Variants in ST6GALNAC5 observed in about 807,000 individuals in gnomAD.
ST6GALNAC5 encodes ST6 N-acetylgalactosaminide alpha-2,6-sialyltransferase 5.
In ST6GALNAC5, 27 loss-of-function variants were observed where a neutral mutation model predicts 33.6. The ratio of observed to expected loss-of-function variants is 0.80; its 90% confidence interval spans 0.59 to 1.11. The LOEUF (loss-of-function observed/expected upper bound fraction) is 1.11. Among genes scored for constraint, ST6GALNAC5 ranks in the 50% least tolerant of loss-of-function variants. The pLI is 0.00. For synonymous variants in ST6GALNAC5, 194 were observed against 171.2 expected (o/e 1.13, Z -1.04); for missense variants, 428 against 454.0 (o/e 0.94, Z 0.52).
chr1:77,023,657 C>T (rs1651132411), intron 2 of ST6GALNAC5, among the ~76,000 whole-genome samples: 1 of 152,178 alleles, frequency 6.6e-6, no homozygotes, highest in African/African-American at 2.4e-5. Context: ...GGAGCCTTCA[C>T]AGTTAGATTG....
intron 2 of ST6GALNAC5, among the ~76,000 whole-genome samples, chr1:76,922,521 A>G (rs1304127379): frequency 6.6e-6 from 1 of 152,202 alleles, no homozygotes. Context: ...ATGGAAAGGC[A>G]TAGGCCCAAG....
At chr1:76,959,474 A>T (rs858600) in intron 2 of ST6GALNAC5, among the ~76,000 whole-genome samples, 1 of 152,040 alleles carries the variant, frequency 6.6e-6, no homozygotes, top group South Asian at 2.1e-4. Flanking sequence ...ACAATAGAAC[A>T]TAAGGAAACA....
In ST6GALNAC5 at chr1:76,942,140, A is replaced by G. The variant is rs550652697; in HGVS notation, c.261+73398A>G. Among the ~76,000 whole-genome samples, 6 of 152,182 alleles carry G rather than the reference A, an allele frequency of 3.9e-5. No individual in the cohort carries two copies. In the South Asian group the frequency reaches 1.2e-3, roughly 32 times the overall value. ...ATTGTTTGTTTGCTTGTTTTCACACACTTGCTTCCATTTATTCCCTCTTCT... is the reference window on the plus strand; with the variant it reads ...ATTGTTTGTTTGCTTGTTTTCACACGCTTGCTTCCATTTATTCCCTCTTCT... On this transcript the variant is annotated intron_variant, in intron 2 of 4. Coordinates refer to ENST00000477717, the MANE Select transcript of ST6GALNAC5 (RefSeq NM_030965.3).
chr1:77,026,419 G>T (rs1227913762), intron 2 of ST6GALNAC5, among the ~76,000 whole-genome samples: 1 of 152,158 alleles, frequency 6.6e-6, no homozygotes, highest in African/African-American at 2.4e-5. Flanking sequence ...CATCCTGGCT[G>T]GTCAGTCTTT....
At chr1:76,927,061 G>A (rs190470767) in intron 2 of ST6GALNAC5, among the ~76,000 whole-genome samples, 1 of 151,958 alleles carries the variant, frequency 6.6e-6, no homozygotes, top group African/African-American at 2.4e-5. Flanking sequence ...TACACTTCAT[G>A]TCTGTCAGGT....
At chr1:76,990,324 C>T (rs1399511160) in intron 2 of ST6GALNAC5, among the ~76,000 whole-genome samples, 3 of 152,146 alleles carry the variant, frequency 2.0e-5, no homozygotes, top group African/African-American at 7.2e-5. Flanking sequence ...AGGCATTGCT[C>T]ATTGTATGGC....
intron 4 of ST6GALNAC5, among the ~76,000 whole-genome samples, chr1:77,053,775 G>C (rs563190335): frequency 9.1e-4 from 138 of 152,270 alleles, no homozygotes; most frequent in African/African-American, 1.7e-3. Context: ...TGGGGTGAAA[G>C]GATTCACTGA....
At chr1:77,059,426 G>T (rs1484934383) in intron 4 of ST6GALNAC5, among the ~76,000 whole-genome samples, 1 of 152,070 alleles carries the variant, frequency 6.6e-6, no homozygotes, top group Non-Finnish European at 1.5e-5. Flanking sequence ...TCCTTCACTT[G>T]GGGTTTATCT....
chr1:77,043,521 T>C (rs1651901571), intron 2 of ST6GALNAC5, among the ~76,000 whole-genome samples: 1 of 152,334 alleles, frequency 6.6e-6, no homozygotes. Context: ...ATGGGACAAC[T>C]CAGTTTCTCT....
chr1:77,020,918 G>A (rs199681), intron 2 of ST6GALNAC5, among the ~76,000 whole-genome samples: 1 of 151,932 alleles, frequency 6.6e-6, no homozygotes. Context: ...ATGTCCTCTT[G>A]TTGTTACCCG....
At chr1:77,050,398 C>T (rs746790062) in intron 4 of ST6GALNAC5, 33 bp downstream of exon 4, 1 of 1,581,620 alleles carries the variant, frequency 6.3e-7, no homozygotes. Flanking sequence ...AAATCATCAG[C>T]CGTGTTGTGC....
At chr1:76,898,311 G>A (rs1479667210) in intron 2 of ST6GALNAC5, among the ~76,000 whole-genome samples, 1 of 152,206 alleles carries the variant, frequency 6.6e-6, no homozygotes, top group Non-Finnish European at 1.5e-5. Flanking sequence ...TTGTGTGCTG[G>A]AGATGTGGCT....
intron 2 of ST6GALNAC5, among the ~76,000 whole-genome samples, chr1:76,896,161 G>T (rs1229237820): frequency 6.6e-6 from 1 of 152,198 alleles, no homozygotes; most frequent in Non-Finnish European, 1.5e-5. Flanking sequence ...GAGGAATTGT[G>T]TCTGACAGAA....
At chr1:76,895,407 T>A (rs1433970590) in intron 2 of ST6GALNAC5, among the ~76,000 whole-genome samples, 3 of 151,966 alleles carry the variant, frequency 2.0e-5, no homozygotes, top group Admixed American at 6.6e-5. Flanking sequence ...GATTTTGTGG[T>A]AAGGGGTGAT....
intron 2 of ST6GALNAC5, among the ~76,000 whole-genome samples, chr1:76,918,042 G>A (rs1646992926): frequency 6.6e-6 from 1 of 152,130 alleles, no homozygotes; most frequent in African/African-American, 2.4e-5. Context: ...TTGACCAAAT[G>A]TCTGGGCACT....
At chr1:76,974,119 A>G (rs1419703972) in intron 2 of ST6GALNAC5, among the ~76,000 whole-genome samples, 2 of 151,962 alleles carry the variant, frequency 1.3e-5, no homozygotes, top group South Asian at 2.1e-4. Flanking sequence ...AAAATTACAA[A>G]TTAGTGAAGA....
chr1:77,001,424 C>G lies in ST6GALNAC5; in HGVS notation c.262-42780C>G, dbSNP rs56085185. On this transcript the variant is annotated intron_variant, in intron 2 of 4. Transcript: ENST00000477717. ...CAATGGGGTTTTCTAGATATACAAT[C>G]ATGTCGTCTGCAAACAGGGACAATT... is the stretch of plus-strand genomic sequence containing the variant. 4.1e-3 allele frequency among the ~76,000 whole-genome samples: 506 copies of G among 124,626 alleles called. 4 individuals are homozygous for G. The highest frequency in any genetic ancestry group is 0.015 in the African/African-American group (485 of 33,060). The allele number at this position is 124,626 out of a possible 152,430, so 81.8% of individuals were successfully genotyped here.
chr1:76,920,634 T>A (rs940491587), intron 2 of ST6GALNAC5, among the ~76,000 whole-genome samples: 3 of 152,210 alleles, frequency 2.0e-5, no homozygotes, highest in Non-Finnish European at 4.4e-5. Context: ...AAGTTTTTTA[T>A]GCATAGTCAC....
At chr1:76,870,358 T>G (rs917148131) in intron 2 of ST6GALNAC5, among the ~76,000 whole-genome samples, 3 of 152,246 alleles carry the variant, frequency 2.0e-5, no homozygotes, top group Non-Finnish European at 4.4e-5. Context: ...TGGAAATTAC[T>G]GTCTAACACT....
Sources: gnomAD v4.1 joint callset for allele counts (sites outside exome capture counted in the v4.1 genomes callset) on GRCh38, gnomAD v4.1.1 for gene constraint, MANE v1.5 for transcripts, NCBI Gene and HGNC (gene_info 2026-07-23, HGNC 2026-07-21) for gene names.